The following ROBO1 variants were observed in gnomAD, a reference collection of about 807,000 sequenced individuals.
The protein encoded by ROBO1 is roundabout guidance receptor 1.
ROBO1 carries 149 observed loss-of-function variants against 195.9 expected under a neutral mutation model. That is an observed-to-expected ratio of 0.76 (90% CI 0.67 to 0.87). The LOEUF (loss-of-function observed/expected upper bound fraction) is 0.87. Among genes scored for constraint, ROBO1 ranks in the 40% least tolerant of loss-of-function variants. ROBO1 has a pLI of 0.00. For missense variants in ROBO1, 1,933 were observed against 2,068.3 expected (o/e 0.93, Z 1.27); for synonymous variants, 816 against 733.2 (o/e 1.11, Z -1.82).
chr3:78,972,278 T>C (rs976919934), intron 3 of ROBO1, among the ~76,000 whole-genome samples: 4 of 152,178 alleles, frequency 2.6e-5, no homozygotes, highest in Non-Finnish European at 5.9e-5. Flanking sequence ...TTTGAAGGTC[T>C]ATTAAACAAA....
chr3:79,370,831 C>A (rs1422343956), intron 2 of ROBO1, among the ~76,000 whole-genome samples: 1 of 151,932 alleles, frequency 6.6e-6, no homozygotes, highest in African/African-American at 2.4e-5. Context: ...TGCTCTCTCT[C>A]CCCTTGCCCC....
chr3:78,652,766 T>C lies in ROBO1; in HGVS notation c.2615-837A>G, dbSNP rs576397772. 9.0e-4 allele frequency among the ~76,000 whole-genome samples: 137 copies of C among 152,276 alleles called. 3 individuals carry two copies. In the South Asian group the frequency reaches 0.026, roughly 29 times the overall value. On this transcript the variant is annotated intron_variant, in intron 18 of 30. Coordinates refer to ENST00000464233, the MANE Select transcript of ROBO1 (RefSeq NM_002941.4). ...GCCATTTTGATTCATTATTTAAAAATTGATGAATATATGGGTAATAAAATT... is the reference window on the plus strand; with the variant it reads ...GCCATTTTGATTCATTATTTAAAAACTGATGAATATATGGGTAATAAAATT...
intron 1 of ROBO1, among the ~76,000 whole-genome samples, chr3:79,756,150 CTTGA>C (rs1704380546): frequency 6.6e-6 from 1 of 152,176 alleles, no homozygotes; most frequent in Non-Finnish European, 1.5e-5. Flanking sequence ...CACAAAATCT[CTTGA>C]TTTATTGCCT....
intron 2 of ROBO1, among the ~76,000 whole-genome samples, chr3:79,279,275 A>G (rs992323715): frequency 2.0e-5 from 3 of 152,066 alleles, no homozygotes; most frequent in African/African-American, 7.2e-5. Context: ...TAAAAAAAAT[A>G]AACAAACAAA....
At chr3:79,192,651 T>C (rs1050597732) in intron 2 of ROBO1, among the ~76,000 whole-genome samples, 2 of 151,542 alleles carry the variant, frequency 1.3e-5, no homozygotes, top group Non-Finnish European at 3.0e-5. Context: ...ACAAATCTTC[T>C]CATGTTGAAG....
In ROBO1 at chr3:79,718,400, A is replaced by G. The variant is rs1190747614; in HGVS notation, c.-51+49352T>C. On this transcript the variant is annotated intron_variant, in intron 1 of 30. Transcript: ENST00000464233. Reference sequence around the variant, plus strand: ...TATCTAGCTTTATGACATTTTTTGCATTTAGCTTTGACTTTGGGGTTGTTA... The same window carrying G: ...TATCTAGCTTTATGACATTTTTTGCGTTTAGCTTTGACTTTGGGGTTGTTA... Among the ~76,000 whole-genome samples, 9 of 152,006 alleles carry G rather than the reference A, an allele frequency of 5.9e-5. No individual in the cohort carries two copies. The East Asian group carries it at 1.7e-3, about 29-fold the overall frequency.
At chr3:78,937,653 G>A (rs1461193352) in intron 4 of ROBO1, among the ~76,000 whole-genome samples, 1 of 152,060 alleles carries the variant, frequency 6.6e-6, no homozygotes, top group African/African-American at 2.4e-5. Context: ...CAGTTTAATG[G>A]TTAGTCAATA....
chr3:78,614,558 C>T, intron 28 of ROBO1, 90 bp downstream of exon 28: 1 of 1,355,438 alleles, frequency 7.4e-7, no homozygotes, highest in Non-Finnish European at 1.0e-6. Context: ...AATGTAATTT[C>T]TAACGTCAGT....
intron 2 of ROBO1, among the ~76,000 whole-genome samples, chr3:79,521,081 C>G (rs1941188467): frequency 6.6e-6 from 1 of 152,130 alleles, no homozygotes; most frequent in Non-Finnish European, 1.5e-5. Context: ...TGCAAGCCTA[C>G]AGATGGTGGC....
At chr3:78,980,132 AT>A in intron 3 of ROBO1, among the ~76,000 whole-genome samples, 1 of 152,292 alleles carries the variant, frequency 6.6e-6, no homozygotes, top group Non-Finnish European at 1.5e-5. Context: ...AATTAATGTT[AT>A]AATTATATTT....
chr3:78,905,723 TA>T (rs1209037641), intron 4 of ROBO1, among the ~76,000 whole-genome samples: 2 of 152,150 alleles, frequency 1.3e-5, no homozygotes, highest in Admixed American at 6.6e-5. Context: ...ATAATATAAT[TA>T]AGCACTCACT....
In ROBO1 at chr3:79,557,749, T is replaced by A. The variant is rs1452097592; in HGVS notation, c.88+32075A>T. Among the ~76,000 whole-genome samples the A allele has an allele frequency of 1.1e-3, 145 of 134,092 alleles. 7 individuals carry two copies. Among genetic ancestry groups the A allele is most frequent in the African/African-American group, 3.9e-3 (126 of 32,166 alleles). 88.0% of individuals were successfully genotyped at this position (134,092 alleles called of 152,430 possible). ...CTGTCTTAAAACAAAAAAAAATATA[T>A]ATATATATATATATATTTTATTGCA... On this transcript the variant is annotated intron_variant, in intron 2 of 30. Transcript: ENST00000464233.
At chr3:78,883,483 G>T (rs574382015) in intron 4 of ROBO1, among the ~76,000 whole-genome samples, 1 of 152,142 alleles carries the variant, frequency 6.6e-6, no homozygotes, top group African/African-American at 2.4e-5. Context: ...CTGGCCTCAG[G>T]CAATCCTCCC....
intron 2 of ROBO1, among the ~76,000 whole-genome samples, chr3:79,270,259 G>C (rs1202202055): frequency 6.7e-6 from 1 of 149,984 alleles, no homozygotes; most frequent in African/African-American, 2.5e-5. Flanking sequence ...CATGGAATTT[G>C]AAAGTTAAGA....
chr3:79,051,164 G>T (rs62257537), intron 3 of ROBO1, among the ~76,000 whole-genome samples: 1 of 151,864 alleles, frequency 6.6e-6, no homozygotes, highest in Admixed American at 6.6e-5. Flanking sequence ...CCAATAGCAA[G>T]ACTAATAAAG....
chr3:78,801,561 T>C lies in ROBO1; in HGVS notation c.500-54661A>G, dbSNP rs2084372831. Reference sequence around the variant, plus strand: ...CATATTTGGGCTACAAATTTTTAAATAGAAAAAATATAATTGCTGTAAATG... The same window carrying C: ...CATATTTGGGCTACAAATTTTTAAACAGAAAAAATATAATTGCTGTAAATG... On this transcript the variant is annotated intron_variant, in intron 4 of 30. Transcript: ENST00000464233. Among the ~76,000 whole-genome samples the C allele has an allele frequency of 2.6e-5, 4 of 151,962 alleles. No homozygotes were observed. The South Asian group carries it at 8.3e-4, about 32-fold the overall frequency.
intron 28 of ROBO1, 135 bp downstream of exon 28, chr3:78,614,513 A>T: frequency 1.1e-6 from 1 of 940,106 alleles, no homozygotes; most frequent in Non-Finnish European, 1.5e-6. Context: ...GGTCGCTTCT[A>T]TAAGTAATAT....
At chr3:78,850,684 G>A (rs914370715) in intron 4 of ROBO1, among the ~76,000 whole-genome samples, 3 of 152,168 alleles carry the variant, frequency 2.0e-5, no homozygotes, top group African/African-American at 7.2e-5. Flanking sequence ...AGGAAGGCAC[G>A]AGCACTGATG....
intron 8 of ROBO1, among the ~76,000 whole-genome samples, chr3:78,713,183 T>C (rs2081808193): frequency 6.6e-6 from 1 of 152,192 alleles, no homozygotes; most frequent in Non-Finnish European, 1.5e-5. Flanking sequence ...TTGATCTTTC[T>C]TTTTTTCCTT....
Sources: gnomAD v4.1 joint callset for allele counts (sites outside exome capture counted in the v4.1 genomes callset) on GRCh38, gnomAD v4.1.1 for gene constraint, MANE v1.5 for transcripts, NCBI Gene and HGNC (gene_info 2026-07-23, HGNC 2026-07-21) for gene names.